The following CIDEA variants were observed in gnomAD, a reference collection of about 807,000 sequenced individuals.
CIDEA encodes lipid transferase CIDEA.
Under a neutral mutation model 18.2 loss-of-function variants are expected in CIDEA, and 10 were observed. That is an observed-to-expected ratio of 0.55 (90% CI 0.34 to 0.93). CIDEA has a LOEUF of 0.93. Among genes scored for constraint, CIDEA ranks in the 40% least tolerant of loss-of-function variants. CIDEA has a pLI of 0.02. For missense variants in CIDEA, 309 were observed against 293.1 expected, an observed-to-expected ratio of 1.05 and a Z score of -0.40; for synonymous variants, 128 against 124.8, an observed-to-expected ratio of 1.03 and a Z score of -0.17.
At chr18:12,262,042 CTAT>C (rs1306427247) in intron 1 of CIDEA, among the ~76,000 whole-genome samples, 1 of 151,948 alleles carries the variant, frequency 6.6e-6, no homozygotes, top group Non-Finnish European at 1.5e-5. Flanking sequence ...TGGCTTGCAC[CTAT>C]AGTCCCAGCT....
chr18:12,265,016 G>A (rs1023179025), intron 3 of CIDEA, among the ~76,000 whole-genome samples: 3 of 152,224 alleles, frequency 2.0e-5, no homozygotes, highest in South Asian at 4.1e-4. Context: ...TGGCCAGTGA[G>A]TAGCTACAGA....
Position 12,274,082 on chromosome 18 carries a change from C to A in CIDEA, c.331-11C>A, listed in dbSNP as rs144696999. ...GGCTCCTGAAGCCTGCCCCTCCCCC[C>A]ATTGTCACAGGGCAGCCAGCACGTC... is the stretch of plus-strand genomic sequence containing the variant. On this transcript the variant is annotated splice_polypyrimidine_tract_variant and intron_variant, in intron 3 of 4. Coordinates refer to ENST00000320477, the MANE Select transcript of CIDEA (RefSeq NM_001279.4). 1 of 1,613,838 alleles carries A rather than the reference C, an allele frequency of 6.2e-7. No homozygotes were observed. The highest frequency in any genetic ancestry group is 1.1e-5 in the South Asian group (1 of 91,056).
intron 1 of CIDEA, among the ~76,000 whole-genome samples, chr18:12,257,550 G>A (rs1022368289): frequency 1.3e-5 from 2 of 152,134 alleles, no homozygotes; most frequent in African/African-American, 2.4e-5. Flanking sequence ...GGAAGTTGGC[G>A]GCGCCCTGCC....
At chr18:12,258,522 C>G (rs1031171843) in intron 1 of CIDEA, among the ~76,000 whole-genome samples, 3 of 152,226 alleles carry the variant, frequency 2.0e-5, no homozygotes, top group African/African-American at 7.2e-5. Context: ...CGCCAGACTC[C>G]GTGAGACAGA....
chr18:12,272,591 G>A (rs1310278127), intron 3 of CIDEA, among the ~76,000 whole-genome samples: 2 of 152,110 alleles, frequency 1.3e-5, no homozygotes, highest in Non-Finnish European at 2.9e-5. Flanking sequence ...CAGGTCACCT[G>A]CTCCTCTTGG....
At chr18:12,261,551 T>C (rs1447686555) in intron 1 of CIDEA, among the ~76,000 whole-genome samples, 1 of 152,060 alleles carries the variant, frequency 6.6e-6, no homozygotes, top group Non-Finnish European at 1.5e-5. Context: ...TGAAGGCAGT[T>C]TCCCTTTTCT....
chr18:12,272,255 C>T (rs1237224123), intron 3 of CIDEA, among the ~76,000 whole-genome samples: 2 of 151,370 alleles, frequency 1.3e-5, no homozygotes, highest in Non-Finnish European at 2.9e-5. Context: ...CTCTGTCGCC[C>T]AGGCTGGAGT....
intron 4 of CIDEA, 50 bp from the exon 5 acceptor site, chr18:12,277,073 C>A (rs777369098): frequency 6.2e-7 from 1 of 1,606,428 alleles, no homozygotes; most frequent in South Asian, 1.1e-5. Flanking sequence ...GTCTGTTTCT[C>A]ACTGGCCCAA....
chr18:12,264,715 G>A (rs1049583701), intron 3 of CIDEA, among the ~76,000 whole-genome samples: 19 of 152,132 alleles, frequency 1.2e-4, no homozygotes, highest in Non-Finnish European at 2.2e-4. Context: ...CACCACGCCT[G>A]GCTAACTTTT....
rs147476935 is a variant in CIDEA, at chr18:12,274,124, C to T, written c.362C>T (p.Pro121Leu). The change falls in exon 4 of 5, where the codon CCG becomes CTG. Residue 121 changes from proline to leucine, a missense_variant. Coordinates refer to ENST00000320477, the MANE Select transcript of CIDEA (RefSeq NM_001279.4). ...CAGCACGTCCCCACTTGCTCGCCGCCGAAGAGGTCGGGAATAGCGAGAGTC... is the reference window on the plus strand; with the variant it reads ...CAGCACGTCCCCACTTGCTCGCCGCTGAAGAGGTCGGGAATAGCGAGAGTC... ...GSQHVPTCSP[P>L]KRSGIARVTF... 9.3e-6 allele frequency: 15 copies of T among 1,614,100 alleles called. No individual in the cohort carries two copies. The Admixed American group carries it at 1.7e-4, about 18-fold the overall frequency.
intron 1 of CIDEA, among the ~76,000 whole-genome samples, chr18:12,256,628 C>T (rs946259361): frequency 6.6e-6 from 1 of 152,182 alleles, no homozygotes; most frequent in African/African-American, 2.4e-5. Context: ...ATGTTATAAG[C>T]TTCGTGTGAA....
chr18:12,255,301 G>A (rs12455431), intron 1 of CIDEA, among the ~76,000 whole-genome samples: 12,038 of 152,252 alleles, frequency 0.079, 728 homozygotes, highest in African/African-American at 0.16. Context: ...GCGGCGCCGG[G>A]TCCCACTGTG....
intron 3 of CIDEA, among the ~76,000 whole-genome samples, chr18:12,271,207 C>G (rs889775964): frequency 6.6e-6 from 1 of 151,132 alleles, no homozygotes; most frequent in Non-Finnish European, 1.5e-5. Flanking sequence ...ACAGACGCCC[C>G]TGTCTTAATC....
chr18:12,274,003 A>C, intron 3 of CIDEA, 90 bp from the exon 4 acceptor site: 1 of 1,397,000 alleles, frequency 7.2e-7, no homozygotes, highest in Non-Finnish European at 9.9e-7. Context: ...ACAGACACAT[A>C]GGAGAATCTG....
intron 3 of CIDEA, among the ~76,000 whole-genome samples, chr18:12,268,372 C>T (rs1319856752): frequency 1.4e-5 from 2 of 142,172 alleles, no homozygotes; most frequent in Non-Finnish European, 3.0e-5. Flanking sequence ...GAGCCACCGC[C>T]CCCAGTGGTT....
At chr18:12,258,503 G>A (rs552158682) in intron 1 of CIDEA, among the ~76,000 whole-genome samples, 1 of 152,268 alleles carries the variant, frequency 6.6e-6, no homozygotes, top group Non-Finnish European at 1.5e-5. Flanking sequence ...GGGAAAGTAG[G>A]AGATGCACCG....
chr18:12,262,834 A>G lies in CIDEA; in HGVS notation c.48A>G (p.Thr16=), dbSNP rs112764938. 2.4e-3 allele frequency: 3,946 copies of G among 1,613,130 alleles called. 74 individuals carry two copies. In the African/African-American group the frequency reaches 0.047, roughly 19 times the overall value. Residue 16 remains threonine, a synonymous_variant, in exon 2 of 5, where the codon ACA becomes ACG. Coordinates refer to ENST00000320477, the MANE Select transcript of CIDEA (RefSeq NM_001279.4). ...TCACCTCCATTTTCAGGCCCCTGAC[A>G]TTTATGGGATCACAGACTAAGCGAG... ...DYAGALIRPL[T]FMGSQTKRVL...
At chr18:12,261,244 C>T (rs115644748) in intron 1 of CIDEA, among the ~76,000 whole-genome samples, 1,621 of 152,186 alleles carry the variant, frequency 0.011, 24 homozygotes, top group African/African-American at 0.037. Context: ...ATTAGCTGGC[C>T]ATGGTGGTGC....
At chr18:12,264,248 G>T in intron 2 of CIDEA, 59 bp from the exon 3 acceptor site, 1 of 1,437,212 alleles carries the variant, frequency 7.0e-7, no homozygotes. Context: ...AAATGTCATT[G>T]GCTGGTCACA....
Sources: gnomAD v4.1 joint callset for allele counts (sites outside exome capture counted in the v4.1 genomes callset) on GRCh38, gnomAD v4.1.1 for gene constraint, MANE v1.5 for transcripts, NCBI Gene and HGNC (gene_info 2026-07-23, HGNC 2026-07-21) for gene names.